Variants in EPHA4 observed in about 807,000 individuals in gnomAD.
EPHA4 encodes EPH receptor A4.
Under a neutral mutation model 108.3 loss-of-function variants are expected in EPHA4, and 19 were observed. The ratio of observed to expected loss-of-function variants is 0.18; its 90% confidence interval spans 0.12 to 0.26. The LOEUF (loss-of-function observed/expected upper bound fraction) is 0.26, where lower values mean the gene tolerates loss of function less well. Among genes scored for constraint, EPHA4 ranks in the 10% least tolerant of loss-of-function variants. The probability of loss-of-function intolerance (pLI) is 1.00; values close to 1 mark genes in which losing one functional copy is unlikely to be tolerated. For missense variants in EPHA4, 917 were observed against 1,254.0 expected, an observed-to-expected ratio of 0.73 and a Z score of 4.06; for synonymous variants, 449 against 455.5, an observed-to-expected ratio of 0.99 and a Z score of 0.18.
intron 3 of EPHA4, among the ~76,000 whole-genome samples, chr2:221,522,773 A>ATTATTT (rs1038472875): frequency 4.9e-5 from 6 of 123,180 alleles, no homozygotes; most frequent in Non-Finnish European, 9.1e-5. Flanking sequence ...TATTATTATT[A>ATTATTT]TTTTTTTGAG....
intron 3 of EPHA4, among the ~76,000 whole-genome samples, chr2:221,520,525 CACACACACACACACACACAG>C (rs1450944855): frequency 6.1e-4 from 66 of 108,728 alleles, no homozygotes; most frequent in Non-Finnish European, 8.8e-4. Flanking sequence ...CACACACACA[CACACACACACACACACACAG>C]AGAGAGAGAG....
At chr2:221,553,127 T>C (rs1559290917) in intron 3 of EPHA4, among the ~76,000 whole-genome samples, 1 of 152,162 alleles carries the variant, frequency 6.6e-6, no homozygotes, top group Admixed American at 6.5e-5. Context: ...ATTTCATCAG[T>C]GAAACATACA....
chr2:221,546,213 G>T (rs1693993573), intron 3 of EPHA4, among the ~76,000 whole-genome samples: 1 of 152,170 alleles, frequency 6.6e-6, no homozygotes, highest in Admixed American at 6.5e-5. Context: ...CCCAGTGATT[G>T]TGGTGAGGGA....
intron 3 of EPHA4, among the ~76,000 whole-genome samples, chr2:221,559,960 C>T (rs558189552): frequency 6.6e-6 from 1 of 152,292 alleles, no homozygotes; most frequent in African/African-American, 2.4e-5. Flanking sequence ...GCAAAGCCAC[C>T]ATCCCCCTGC....
chr2:221,438,878 G>T (rs1019489747), intron 11 of EPHA4, among the ~76,000 whole-genome samples: 1 of 152,052 alleles, frequency 6.6e-6, no homozygotes, highest in African/African-American at 2.4e-5. Flanking sequence ...CTATTTCACC[G>T]CTGAAAAGCA....
At chr2:221,502,879 C>A (rs569350615) in intron 3 of EPHA4, among the ~76,000 whole-genome samples, 2 of 152,146 alleles carry the variant, frequency 1.3e-5, no homozygotes, top group Admixed American at 6.5e-5. Flanking sequence ...TTCACTGGAC[C>A]GGAGCATCTT....
chr2:221,491,950 A>G (rs1465453717), intron 4 of EPHA4, among the ~76,000 whole-genome samples: 1 of 151,926 alleles, frequency 6.6e-6, no homozygotes, highest in Non-Finnish European at 1.5e-5. Context: ...GGGAGGTGGA[A>G]GTTGCAGTGA....
chr2:221,559,681 T>C (rs1197284099), intron 3 of EPHA4, among the ~76,000 whole-genome samples: 1 of 152,262 alleles, frequency 6.6e-6, no homozygotes, highest in African/African-American at 2.4e-5. Flanking sequence ...ATTAGGGGTA[T>C]GTCTGTCCGG....
chr2:221,435,444 G>C (rs1395114758), intron 13 of EPHA4, among the ~76,000 whole-genome samples: 1 of 151,996 alleles, frequency 6.6e-6, no homozygotes, highest in Non-Finnish European at 1.5e-5. Context: ...ATCAAAACTG[G>C]AGCCAAAGAA....
At chr2:221,510,725 A>G (rs1052446035) in intron 3 of EPHA4, among the ~76,000 whole-genome samples, 2 of 152,232 alleles carry the variant, frequency 1.3e-5, no homozygotes, top group African/African-American at 4.8e-5. Flanking sequence ...ACAAACAAAA[A>G]GAATGCAGTG....
chr2:221,471,224 TTTTG>T (rs1429452363), intron 5 of EPHA4, among the ~76,000 whole-genome samples: 1 of 152,136 alleles, frequency 6.6e-6, no homozygotes, highest in Non-Finnish European at 1.5e-5. Context: ...AGGACTTGTT[TTTTG>T]TTTTTGTTTT....
chr2:221,476,673 T>G (rs1236333125), intron 5 of EPHA4, among the ~76,000 whole-genome samples: 1 of 152,172 alleles, frequency 6.6e-6, no homozygotes, highest in African/African-American at 2.4e-5. Context: ...ATTTTCCCCT[T>G]TCTCCCACCA....
rs370645355 is a variant in EPHA4 at position 221,436,595 on chromosome 2, C to A, written c.2150G>T (p.Arg717Ile). The A allele has an allele frequency of 1.8e-4, 288 of 1,614,018 alleles. No homozygotes were observed. The highest frequency in any genetic ancestry group is 2.4e-4 in the Non-Finnish European group (278 of 1,180,030). Residue 717 changes from arginine to isoleucine, a missense_variant, in exon 13 of 18, where the codon AGA becomes ATA. By Grantham distance (97) the Arg-to-Ile change is moderately conservative. Coordinates refer to ENST00000281821, the MANE Select transcript of EPHA4 (RefSeq NM_004438.5). ...LDAFLRKNDG[R>I]FTVIQLVGML... Reference sequence around the variant, plus strand: ...GCCCACCAGCTGAATGACTGTAAATCTGCCATCATTTTTCTGCATAGAAAA... The same window carrying A: ...GCCCACCAGCTGAATGACTGTAAATATGCCATCATTTTTCTGCATAGAAAA...
chr2:221,462,357 T>C (rs1691172503), intron 5 of EPHA4, among the ~76,000 whole-genome samples: 2 of 151,984 alleles, frequency 1.3e-5, no homozygotes, highest in South Asian at 4.2e-4. Flanking sequence ...TGGTCTAAGG[T>C]GCCTATCCCC....
In EPHA4 at chr2:221,501,024, G is replaced by A. The variant is rs1402476966; in HGVS notation, c.972C>T (p.Pro324=). 1.2e-6 allele frequency: 2 copies of A among 1,607,200 alleles called. No individual in the cohort carries two copies. The highest frequency in any genetic ancestry group is 1.7e-5 in the Admixed American group (1 of 58,826). The change falls in exon 4 of 18, where the codon CCC becomes CCT. Residue 324 remains proline (P), a synonymous_variant. Coordinates refer to ENST00000281821, the MANE Select transcript of EPHA4 (RefSeq NM_004438.5). ...FRADNDAASM[P]CTRPPSAPLN... ...GACAAGCATACAACTTACGGGTGCA[G>A]GGCATAGAGGCAGCATCGTTGTCAG...
At chr2:221,489,413 A>G (rs1483391818) in intron 4 of EPHA4, among the ~76,000 whole-genome samples, 1 of 152,234 alleles carries the variant, frequency 6.6e-6, no homozygotes. Flanking sequence ...TCAACTTTAA[A>G]ACTCACATTG....
chr2:221,421,175 T>C (rs1964342), intron 17 of EPHA4, among the ~76,000 whole-genome samples: 71,671 of 151,628 alleles, frequency 0.47, 17,814 homozygotes, highest in African/African-American at 0.63. Flanking sequence ...CGGGCGCCTG[T>C]AGTCCCGGCT....
chr2:221,480,918 T>C (rs1187485802), intron 5 of EPHA4, among the ~76,000 whole-genome samples: 2 of 152,230 alleles, frequency 1.3e-5, no homozygotes, highest in Admixed American at 1.3e-4. Context: ...TACTAAACTA[T>C]TGAGTGCACT....
rs936894238 is a variant in EPHA4, at chr2:221,544,611, C to T, written c.823+19120G>A. 5.3e-5 allele frequency among the ~76,000 whole-genome samples: 8 copies of T among 152,144 alleles called. No individual in the cohort carries two copies. In the South Asian group the frequency reaches 6.2e-4, roughly 12 times the overall value. On this transcript the variant is annotated intron_variant, in intron 3 of 17. Transcript: ENST00000281821. ...AAAGTGCTGCCATTACAGGCCACCA[C>T]GCTACAGGCTACAGGCTTGTTCACA... is the stretch of plus-strand genomic sequence containing the variant.
Sources: gnomAD v4.1 joint callset for allele counts (sites outside exome capture counted in the v4.1 genomes callset) on GRCh38, gnomAD v4.1.1 for gene constraint, MANE v1.5 for transcripts, NCBI Gene and HGNC (gene_info 2026-07-23, HGNC 2026-07-21) for gene names.